HECW2: variants seen among roughly 807,000 people sequenced by gnomAD.
The protein encoded by HECW2 is HECT, C2 and WW domain containing E3 ubiquitin protein ligase 2.
In HECW2, 61 loss-of-function variants were observed where a neutral mutation model predicts 175.2. That is an observed-to-expected ratio of 0.35 (90% confidence interval 0.28 to 0.43). HECW2 has a LOEUF of 0.43. HECW2 is among the 20% of genes least tolerant of loss of function. The probability of loss-of-function intolerance (pLI) is 1.00; values close to 1 mark genes in which losing one functional copy is unlikely to be tolerated. For missense variants in HECW2, 1,524 were observed against 2,000.5 expected (o/e 0.76, Z 4.54); for synonymous variants, 671 against 731.0 (o/e 0.92, Z 1.32).
chr2:196,241,734 C>T (rs1442773106), intron 20 of HECW2, among the ~76,000 whole-genome samples: 1 of 152,074 alleles, frequency 6.6e-6, no homozygotes, highest in Non-Finnish European at 1.5e-5. Flanking sequence ...GTTCAGGAGA[C>T]AGAAACTTGC....
intron 1 of HECW2, among the ~76,000 whole-genome samples, chr2:196,465,621 T>C (rs2125336539): frequency 6.6e-6 from 1 of 151,972 alleles, no homozygotes; most frequent in South Asian, 2.1e-4. Flanking sequence ...TTTTCCATGA[T>C]AAAGATTAGT....
intron 1 of HECW2, among the ~76,000 whole-genome samples, chr2:196,457,709 T>C (rs545928678): frequency 1.3e-5 from 2 of 152,152 alleles, no homozygotes; most frequent in Non-Finnish European, 2.9e-5. Flanking sequence ...CCAAGATACC[T>C]CTTAGCTCTA....
intron 1 of HECW2, among the ~76,000 whole-genome samples, chr2:196,584,233 G>A (rs4420716): frequency 0.73 from 111,279 of 151,998 alleles, 41,545 homozygotes; most frequent in East Asian, 0.94. Context: ...GCTTCCTGTG[G>A]TAAAAGTACT....
At chr2:196,483,903 T>C (rs988463775) in intron 1 of HECW2, among the ~76,000 whole-genome samples, 1 of 152,198 alleles carries the variant, frequency 6.6e-6, no homozygotes, top group African/African-American at 2.4e-5. Flanking sequence ...GGAAAAAACA[T>C]GACATTAATG....
chr2:196,210,278 G>A (rs910096169), intron 28 of HECW2, among the ~76,000 whole-genome samples: 1 of 85,602 alleles, frequency 1.2e-5, no homozygotes, highest in Non-Finnish European at 2.6e-5. Flanking sequence ...GTGTGTGTGT[G>A]TATGTGTGTG....
chr2:196,336,293 C>T (rs1484295447), intron 3 of HECW2, among the ~76,000 whole-genome samples: 1 of 152,216 alleles, frequency 6.6e-6, no homozygotes, highest in South Asian at 2.1e-4. Flanking sequence ...TACTCTCCCA[C>T]TTGCTTTTTT....
At chr2:196,546,338 T>G (rs1347734205) in intron 1 of HECW2, among the ~76,000 whole-genome samples, 1 of 152,254 alleles carries the variant, frequency 6.6e-6, no homozygotes, top group African/African-American at 2.4e-5. Flanking sequence ...CCTACTAGAC[T>G]TCAGATGATT....
At chr2:196,282,391 A>G (rs906938318) in intron 14 of HECW2, among the ~76,000 whole-genome samples, 1 of 152,240 alleles carries the variant, frequency 6.6e-6, no homozygotes, top group South Asian at 2.1e-4. Context: ...TGAGCCAAGC[A>G]TGAGTGGCCA....
At chr2:196,562,869 C>T (rs1445079821) in intron 1 of HECW2, among the ~76,000 whole-genome samples, 2 of 151,988 alleles carry the variant, frequency 1.3e-5, no homozygotes, top group East Asian at 3.9e-4. Context: ...TATAGCAAGA[C>T]CCTGTCTCTA....
intron 1 of HECW2, among the ~76,000 whole-genome samples, chr2:196,505,537 CA>C (rs1001491416): frequency 2.3e-4 from 33 of 143,686 alleles, no homozygotes; most frequent in Admixed American, 3.5e-4. Flanking sequence ...GAGACTTCAT[CA>C]AAAAAAAAAG....
At chr2:196,343,522 A>G (rs1692838706) in intron 3 of HECW2, 135 bp downstream of exon 3, 1 of 632,906 alleles carries the variant, frequency 1.6e-6, no homozygotes, top group South Asian at 2.2e-5. Flanking sequence ...CTAAAACAAT[A>G]TATTTTCCAT....
intron 1 of HECW2, among the ~76,000 whole-genome samples, chr2:196,582,536 TCA>T (rs986042405): frequency 1.3e-5 from 2 of 152,238 alleles, no homozygotes; most frequent in African/African-American, 4.8e-5. Context: ...CTTCAGATTA[TCA>T]CAGATTTTAA....
At chr2:196,579,102 T>C (rs1246275775) in intron 1 of HECW2, among the ~76,000 whole-genome samples, 3 of 152,286 alleles carry the variant, frequency 2.0e-5, no homozygotes, top group Admixed American at 6.5e-5. Flanking sequence ...AAGTTTTATA[T>C]ACTTCTGAAT....
intron 1 of HECW2, among the ~76,000 whole-genome samples, chr2:196,537,435 A>T (rs1689057563): frequency 6.6e-6 from 1 of 152,170 alleles, no homozygotes; most frequent in Non-Finnish European, 1.5e-5. Context: ...GCTGGAGATC[A>T]GGAGGCAGCA....
intron 2 of HECW2, among the ~76,000 whole-genome samples, chr2:196,377,484 G>A (rs562781687): frequency 7.9e-5 from 12 of 152,302 alleles, no homozygotes; most frequent in South Asian, 6.2e-4. Flanking sequence ...CATGGTAGCA[G>A]GCAAGAGAGG....
chr2:196,491,489 C>CATAT (rs201385726), intron 1 of HECW2, among the ~76,000 whole-genome samples: 2 of 116,130 alleles, frequency 1.7e-5, no homozygotes, highest in Admixed American at 7.9e-5. Context: ...TATATATACA[C>CATAT]ATATATATAT....
intron 1 of HECW2, among the ~76,000 whole-genome samples, chr2:196,575,939 C>A (rs1690546282): frequency 6.6e-6 from 1 of 150,554 alleles, no homozygotes; most frequent in Admixed American, 6.6e-5. Flanking sequence ...AGGGATCCAC[C>A]CCCTCATAAA....
rs1691791528 is a variant in HECW2, at chr2:196,318,585, C to T, written c.2305G>A (p.Gly769Arg). The T allele has an allele frequency of 1.3e-6, 2 of 1,535,890 alleles. No individual in the cohort carries two copies. The highest frequency in any genetic ancestry group is 4.6e-5 in the East Asian group (2 of 43,798). The change falls in exon 9 of 29, where the codon GGG becomes AGG. Residue 769 changes from glycine (G) to arginine (R), a missense_variant. Gly to Arg is a moderately radical substitution (Grantham distance 125). Coordinates refer to ENST00000644978, the MANE Select transcript of HECW2 (RefSeq NM_001348768.2). Reference protein sequence around the residue: ...SAGEAQGTCEGATAQEEGATG... With the variant: ...SAGEAQGTCERATAQEEGATG... Reference sequence around the variant, plus strand: ...GCGCCCTCCTCCTGGGCAGTTGCCCCTTCACAGGTGCCTTGGGCCTCCCCA... The same window carrying T: ...GCGCCCTCCTCCTGGGCAGTTGCCCTTTCACAGGTGCCTTGGGCCTCCCCA...
At chr2:196,292,800 A>C in intron 13 of HECW2, 50 bp from the exon 14 acceptor site, 1 of 1,441,622 alleles carries the variant, frequency 6.9e-7, no homozygotes, top group Non-Finnish European at 9.6e-7. Context: ...GACATGCAGA[A>C]GCACCAGAAA....
Sources: allele counts gnomAD v4.1 joint callset (sites outside exome capture counted in the v4.1 genomes callset), GRCh38; gene constraint gnomAD v4.1.1; transcripts MANE v1.5; gene names NCBI Gene and HGNC (gene_info 2026-07-23, HGNC 2026-07-21).